CLGN: variants seen among roughly 807,000 people sequenced by gnomAD.
CLGN encodes the protein calmegin.
Under a neutral mutation model 79.1 loss-of-function variants are expected in CLGN, and 62 were observed. That is an observed-to-expected ratio of 0.78 (90% confidence interval 0.64 to 0.97). The LOEUF (loss-of-function observed/expected upper bound fraction) is 0.97, where lower values mean the gene tolerates loss of function less well. Among genes scored for constraint, CLGN ranks in the 50% least tolerant of loss-of-function variants. CLGN has a pLI of 0.00. For synonymous variants in CLGN, 225 were observed against 224.7 expected, an observed-to-expected ratio of 1.00 and a Z score of -0.01; for missense variants, 647 against 715.5, an observed-to-expected ratio of 0.90 and a Z score of 1.09.
At chr4:140,401,575 A>G (rs1728999287) in intron 6 of CLGN, among the ~76,000 whole-genome samples, 1 of 152,140 alleles carries the variant, frequency 6.6e-6, no homozygotes, top group Non-Finnish European at 1.5e-5. Context: ...TTTTAAAATT[A>G]GTTACTTTCT....
chr4:140,400,322 A>G (rs369638543), intron 7 of CLGN, 35 bp downstream of exon 7: 1 of 1,467,112 alleles, frequency 6.8e-7, no homozygotes, highest in Non-Finnish European at 9.4e-7. Flanking sequence ...GTCAGCAAAT[A>G]TTTTTGAATA....
In CLGN at chr4:140,396,891, G is replaced by GTATATATATATATATATGTA. The variant is rs746057984; in HGVS notation, c.885-687_885-686insTACATATATATATATATATA. Among the ~76,000 whole-genome samples the GTATATATATATATATATGTA allele has an allele frequency of 3.5e-4, 19 of 53,642 alleles. 1 individual carries two copies. The highest frequency in any genetic ancestry group is 8.6e-4 in the South Asian group (2 of 2,328). The allele number at this position is 53,642 out of a possible 152,430, so 35.2% of individuals were successfully genotyped here. On this transcript the variant is annotated intron_variant, in intron 8 of 14. Transcript: ENST00000325617. Reference sequence around the variant, plus strand: ...TATATATACATATATATATATATATGTATATATATATATATGTATATATAT... The same window carrying GTATATATATATATATATGTA: ...TATATATACATATATATATATATATGTATATATATATATATATGTATATATATATATATATGTATATATAT...
At position 140,408,884 on chromosome 4, in the gene CLGN, T is replaced by TAC. The variant is rs1553945585; in HGVS notation, c.277+951_277+952dup. On this transcript the variant is annotated intron_variant, in intron 4 of 14. Coordinates refer to ENST00000325617, the MANE Select transcript of CLGN (RefSeq NM_004362.3). Reference sequence around the variant, plus strand: ...GCATATATATATATATATATATATATACACACACACACATATATATACACA... The same window carrying TAC: ...GCATATATATATATATATATATATATACACACACACACACATATATATACACA... Among the ~76,000 whole-genome samples the TAC allele has an allele frequency of 7.9e-3, 1,154 of 145,548 alleles. 8 individuals are homozygous for TAC. The highest frequency in any genetic ancestry group is 0.025 in the South Asian group (115 of 4,616).
rs923544356 is a variant in CLGN at position 140,392,663 on chromosome 4, G to A, written c.1414C>T (p.Leu472Phe). ...LMAAAEGHPW[L>F]WLIYLVTAGV... ...GCTGTCACAAGATAAATCAACCAAA[G>A]CCATGGGTGCCCTTCAGCAGCTGCC... Residue 472 changes from leucine to phenylalanine, a missense_variant, in exon 12 of 15, where the codon CTT becomes TTT. Physicochemically the swap from Leu to Phe is conservative, Grantham distance 22 (BLOSUM62 0). Transcript: ENST00000325617. 1 of 1,610,504 alleles carries A rather than the reference G, an allele frequency of 6.2e-7. No homozygotes were observed. The highest frequency in any genetic ancestry group is 8.5e-7 in the Non-Finnish European group (1 of 1,178,542).
At chr4:140,396,806 C>T (rs1384790697) in intron 8 of CLGN, among the ~76,000 whole-genome samples, 2 of 148,870 alleles carry the variant, frequency 1.3e-5, no homozygotes, top group African/African-American at 4.9e-5. Flanking sequence ...GATCCACCCA[C>T]CTCAGCCCCC....
At chr4:140,411,509 C>T (rs555593699) in intron 2 of CLGN, among the ~76,000 whole-genome samples, 3 of 152,096 alleles carry the variant, frequency 2.0e-5, no homozygotes, top group South Asian at 4.1e-4. Context: ...TCAGAATCAG[C>T]GTGTTGTGAT....
chr4:140,409,558 G>A (rs958040026), intron 4 of CLGN, among the ~76,000 whole-genome samples: 1 of 145,640 alleles, frequency 6.9e-6, no homozygotes, highest in African/African-American at 2.5e-5. Context: ...CAGTAGCCTG[G>A]GAAATACTGC....
At chr4:140,423,178 C>T (rs1029194055) in intron 1 of CLGN, among the ~76,000 whole-genome samples, 1 of 152,120 alleles carries the variant, frequency 6.6e-6, no homozygotes, top group African/African-American at 2.4e-5. Flanking sequence ...GTGGGCTTTT[C>T]ATATATGACC....
intron 10 of CLGN, among the ~76,000 whole-genome samples, chr4:140,394,649 A>C (rs1489885582): frequency 6.6e-6 from 1 of 152,224 alleles, no homozygotes; most frequent in Non-Finnish European, 1.5e-5. Flanking sequence ...TGTATTATGG[A>C]GTTTAAAGTC....
rs114012502 is a variant in CLGN at position 140,400,227 on chromosome 4, T to A, written c.694+130A>T. ...TCTACCCGTGCTGTCATTATACATG[T>A]CCTATTTTCTGAAAAAGATAAGCTC... On this transcript the variant is annotated intron_variant, in intron 7 of 14. Transcript: ENST00000325617. 1.1e-3 allele frequency: 713 copies of A among 621,618 alleles called. 3 individuals carry two copies. In the African/African-American group the frequency reaches 0.012, roughly 10 times the overall value. 38.5% of individuals were successfully genotyped at this position (621,618 alleles called of 1,614,324 possible).
chr4:140,425,645 T>TTTTTTTTTTTTC (rs1560750754), intron 1 of CLGN, among the ~76,000 whole-genome samples: 1 of 140,302 alleles, frequency 7.1e-6, no homozygotes, highest in Admixed American at 7.2e-5. Flanking sequence ...TTTTTTTTTT[T>TTTTTTTTTTTTC]TGAGATGGAG....
At chr4:140,394,140 C>T in intron 10 of CLGN, 99 bp from the exon 11 acceptor site, 1 of 783,592 alleles carries the variant, frequency 1.3e-6, no homozygotes. Context: ...GCAATGCTAA[C>T]TGGAAAAAAG....
intron 6 of CLGN, 85 bp downstream of exon 6, chr4:140,401,900 A>G: frequency 1.4e-6 from 1 of 735,100 alleles, no homozygotes; most frequent in East Asian, 3.1e-5. Context: ...TTTCAGTTGA[A>G]GACAAAATAT....
intron 1 of CLGN, among the ~76,000 whole-genome samples, chr4:140,425,429 G>GGTGT (rs754897067): frequency 0.078 from 9,106 of 116,658 alleles, 304 homozygotes; most frequent in South Asian, 0.14. Flanking sequence ...GAATCAATAG[G>GGTGT]GTGTGTGTGT....
chr4:140,413,140 G>T, intron 1 of CLGN, 53 bp from the exon 2 acceptor site: 1 of 1,382,246 alleles, frequency 7.2e-7, no homozygotes, highest in Non-Finnish European at 1.0e-6. Flanking sequence ...GAAAATAAGT[G>T]TTAAGTATAT....
chr4:140,392,484 G>A (rs990697588), intron 12 of CLGN, 102 bp downstream of exon 12: 159 of 1,480,574 alleles, frequency 1.1e-4, no homozygotes, highest in Non-Finnish European at 1.2e-4. Context: ...TAAAACTTAT[G>A]AGACATTTAG....
chr4:140,424,492 T>C (rs1729526039), intron 1 of CLGN, among the ~76,000 whole-genome samples: 1 of 152,220 alleles, frequency 6.6e-6, no homozygotes, highest in South Asian at 2.1e-4. Flanking sequence ...TATTGTTGGG[T>C]ACAGTGTTGT....
At chr4:140,400,303 A>T in intron 7 of CLGN, 54 bp downstream of exon 7, 1 of 1,287,640 alleles carries the variant, frequency 7.8e-7, no homozygotes, top group Non-Finnish European at 1.1e-6. Flanking sequence ...TGCCATGAAT[A>T]CATCAATAGT....
At chr4:140,405,374 C>T (rs1196177864) in intron 5 of CLGN, among the ~76,000 whole-genome samples, 4 of 149,828 alleles carry the variant, frequency 2.7e-5, no homozygotes, top group African/African-American at 7.4e-5. Flanking sequence ...TTAGTAGAGA[C>T]GGGGTTTCAC....
Sources: allele counts gnomAD v4.1 joint callset (sites outside exome capture counted in the v4.1 genomes callset), GRCh38; gene constraint gnomAD v4.1.1; transcripts MANE v1.5; gene names NCBI Gene and HGNC (gene_info 2026-07-23, HGNC 2026-07-21).